Variants in FAM200B observed in about 807,000 individuals in gnomAD.
FAM200B encodes zinc finger BED-type containing 11, also known as protein FAM200B.
In FAM200B, 32 loss-of-function variants were observed where a neutral mutation model predicts 33.1. The observed-to-expected ratio is 0.97, with a 90% CI of 0.73 to 1.30. The LOEUF (loss-of-function observed/expected upper bound fraction) is 1.30, where lower values mean the gene tolerates loss of function less well. FAM200B is among the 50% of genes most tolerant of loss of function. FAM200B has a pLI of 0.00. For missense variants in FAM200B, 741 were observed against 754.0 expected (o/e 0.98, Z 0.20); for synonymous variants, 240 against 264.8 (o/e 0.91, Z 0.91).
chr4:15,642,203 C>A, the FAM200B span, among the ~76,000 whole-genome samples: 3 of 151,810 alleles, frequency 2.0e-5, no homozygotes, highest in African/African-American at 7.3e-5. Context: ...TCTATATCAG[C>A]CCTCTCAAAG....
At chr4:15,671,402 T>C in the FAM200B span, among the ~76,000 whole-genome samples, 1 of 152,122 alleles carries the variant, frequency 6.6e-6, no homozygotes, top group Non-Finnish European at 1.5e-5. Flanking sequence ...TTTATCTTTA[T>C]CACTGGTATT....
chr4:15,670,638 T>G, the FAM200B span, among the ~76,000 whole-genome samples: 1 of 148,900 alleles, frequency 6.7e-6, no homozygotes, highest in African/African-American at 2.5e-5. Flanking sequence ...CCTGGGCCCC[T>G]CCCCCCACAA....
the FAM200B span, among the ~76,000 whole-genome samples, chr4:15,672,166 G>A: frequency 4.0e-3 from 608 of 152,328 alleles, 2 homozygotes; most frequent in Middle Eastern, 0.01. Flanking sequence ...TGTTAGGCAA[G>A]ACAGGGACAG....
At chr4:15,667,179 T>C in the FAM200B span, among the ~76,000 whole-genome samples, 3 of 152,216 alleles carry the variant, frequency 2.0e-5, no homozygotes, top group South Asian at 2.1e-4. Flanking sequence ...ATACACGTCG[T>C]AGTACTTAGG....
chr4:15,657,370 A>G, the FAM200B span, among the ~76,000 whole-genome samples: 1 of 152,206 alleles, frequency 6.6e-6, no homozygotes, highest in African/African-American at 2.4e-5. Context: ...AGTTCATAGC[A>G]CTGTGTAATT....
the FAM200B span, among the ~76,000 whole-genome samples, chr4:15,658,546 A>G: frequency 2.3e-3 from 349 of 152,286 alleles, no homozygotes; most frequent in African/African-American, 8.1e-3. Context: ...AAGAGGAAGA[A>G]AGACCTGTGC....
chr4:15,686,925 G>T lies in FAM200B; in HGVS notation c.-53G>T. ...ACTGTATATTTTTTTCTTCTTTTTT[G>T]AGTTAGTGCCAATTATAACATTTTA... On this transcript the variant is annotated 5_prime_UTR_variant, in exon 2 of 2. An upstream open reading frame in the 5' UTR gains an earlier in-frame stop. Coordinates refer to ENST00000422728, the MANE Select transcript of FAM200B (RefSeq NM_001145191.2). The T allele has an allele frequency of 1.1e-6, 1 of 925,940 alleles. No homozygotes were observed. The highest frequency in any genetic ancestry group is 1.7e-5 in the African/African-American group (1 of 58,684). The allele number at this position is 925,940 out of a possible 1,614,324, so 57.4% of individuals were successfully genotyped here.
the FAM200B span, among the ~76,000 whole-genome samples, chr4:15,648,481 T>C: frequency 1.3e-5 from 2 of 152,182 alleles, no homozygotes; most frequent in Admixed American, 1.3e-4. Context: ...GGAGCCAACC[T>C]GAGTGCTTGT....
At chr4:15,670,358 G>C in the FAM200B span, among the ~76,000 whole-genome samples, 1 of 152,198 alleles carries the variant, frequency 6.6e-6, no homozygotes, top group African/African-American at 2.4e-5. Context: ...TCCAGTGGTT[G>C]CTCCGTTTTG....
chr4:15,687,000 G>A lies in FAM200B; in HGVS notation c.23G>A (p.Arg8Lys). The change falls in exon 2 of 2, where the codon AGA (arginine) becomes AAA (lysine). Residue 8 changes from arginine to lysine, a missense_variant. Coordinates refer to ENST00000422728, the MANE Select transcript of FAM200B (RefSeq NM_001145191.2). ...AAAATGGATCATTTCTTTATTAAAA[G>A]AAAGAGGAATAGTGAAGTGAAATAT... MDHFFIK[R>K]KRNSEVKYTE... 7.1e-7 allele frequency: 1 copy of A among 1,407,298 alleles called. No homozygotes were observed. Among genetic ancestry groups the A allele is most frequent in the Non-Finnish European group, 9.4e-7 (1 of 1,062,920 alleles). 87.2% of individuals were successfully genotyped at this position (1,407,298 alleles called of 1,614,324 possible). A position where few individuals can be genotyped will look rare whatever the true frequency, so the allele number is the denominator to read the frequency against.
chr4:15,637,664 G>A, the FAM200B span, among the ~76,000 whole-genome samples: 2 of 152,062 alleles, frequency 1.3e-5, no homozygotes, highest in Non-Finnish European at 2.9e-5. Flanking sequence ...TCTTAGCTTG[G>A]TATCTAAAGC....
At chr4:15,679,063 A>ATT (rs60866290), upstream of FAM200B, among the ~76,000 whole-genome samples, 29 of 118,746 alleles carry the variant, frequency 2.4e-4, no homozygotes, top group South Asian at 5.8e-4. Context: ...TAAAATCTCT[A>ATT]TTTTTTTTTT....
the FAM200B span, among the ~76,000 whole-genome samples, chr4:15,654,883 G>C: frequency 1.3e-5 from 2 of 152,134 alleles, no homozygotes; most frequent in African/African-American, 4.8e-5. Context: ...GCAGCAGCGG[G>C]AGTCCCAGCG....
At chr4:15,666,713 T>C in the FAM200B span, among the ~76,000 whole-genome samples, 2 of 152,168 alleles carry the variant, frequency 1.3e-5, no homozygotes, top group Admixed American at 1.3e-4. Flanking sequence ...GTGCCTGTGA[T>C]TCCATCTACT....
chr4:15,656,471 T>C, the FAM200B span: 2 of 346,276 alleles, frequency 5.8e-6, no homozygotes, highest in African/African-American at 4.3e-5. Flanking sequence ...TTGTTCTCTA[T>C]TATCTATCAC....
chr4:15,653,568 C>T, the FAM200B span, among the ~76,000 whole-genome samples: 1 of 152,134 alleles, frequency 6.6e-6, no homozygotes, highest in African/African-American at 2.4e-5. Flanking sequence ...TCCTAGGCTA[C>T]CTCTCCACAG....
chr4:15,654,485 C>T, the FAM200B span, among the ~76,000 whole-genome samples: 3 of 152,144 alleles, frequency 2.0e-5, no homozygotes, highest in African/African-American at 7.2e-5. Flanking sequence ...TTTATTCGAG[C>T]TCATATAAAG....
At chr4:15,679,489 C>G, upstream of FAM200B, among the ~76,000 whole-genome samples, 1 of 149,184 alleles carries the variant, frequency 6.7e-6, no homozygotes, top group East Asian at 2.0e-4. Context: ...AGATTTTGAT[C>G]ACAAGAGATT....
upstream of FAM200B, chr4:15,681,590 G>A (rs918971878): frequency 1.2e-4 from 18 of 152,804 alleles, no homozygotes; most frequent in African/African-American, 4.3e-4. Flanking sequence ...AGGCGCCTAG[G>A]GAGTCGTTAC....
Sources: gnomAD v4.1 joint callset for allele counts (sites outside exome capture counted in the v4.1 genomes callset) on GRCh38, gnomAD v4.1.1 for gene constraint, MANE v1.5 for transcripts, NCBI Gene and HGNC (gene_info 2026-07-23, HGNC 2026-07-21) for gene names.